The following LUZP1 variants were observed in gnomAD, a reference collection of about 807,000 sequenced individuals.
The protein encoded by LUZP1 is leucine zipper protein 1.
In LUZP1, 25 loss-of-function variants were observed where a neutral mutation model predicts 71.3. The ratio of observed to expected loss-of-function variants is 0.35; its 90% confidence interval spans 0.26 to 0.49. The LOEUF is 0.49. Ranked by LOEUF, LUZP1 falls within the 20% of genes least tolerant of loss-of-function variation. The pLI is 0.99. For synonymous variants in LUZP1, 481 were observed against 506.4 expected, an observed-to-expected ratio of 0.95 and a Z score of 0.67; for missense variants, 1,142 against 1,300.8, an observed-to-expected ratio of 0.88 and a Z score of 1.88.
chr1:23,143,873 G>T (rs1406247595), intron 2 of LUZP1, among the ~76,000 whole-genome samples: 4 of 152,088 alleles, frequency 2.6e-5, no homozygotes. Context: ...ATTTGCTCAG[G>T]GTCACAGTGG....
At chr1:23,170,801 C>T (rs1644547800) in intron 1 of LUZP1, among the ~76,000 whole-genome samples, 2 of 152,108 alleles carry the variant, frequency 1.3e-5, no homozygotes, top group Admixed American at 1.3e-4. Context: ...ATTATATTGA[C>T]CAGGCGCGGT....
At chr1:23,114,649 T>C (rs947283420) in intron 2 of LUZP1, among the ~76,000 whole-genome samples, 6 of 152,218 alleles carry the variant, frequency 3.9e-5, no homozygotes, top group Non-Finnish European at 8.8e-5. Context: ...TTTTGCTCAC[T>C]TCCCTCCTCC....
intron 2 of LUZP1, chr1:23,141,236 G>A (rs1313606284): frequency 6.6e-6 from 1 of 152,350 alleles, no homozygotes; most frequent in Non-Finnish European, 1.5e-5. Context: ...CTAGATTTCA[G>A]GAAACCTGCT....
At chr1:23,087,628 A>G (rs1643786539) in exon 5 of LUZP1, 2 of 152,750 alleles carry the variant, frequency 1.3e-5, no homozygotes, top group South Asian at 2.1e-4. Flanking sequence ...CCTTCTTTGA[A>G]TTGACAGAAT....
At chr1:23,108,840 T>C (rs901624025) in intron 3 of LUZP1, among the ~76,000 whole-genome samples, 182 bp downstream of exon 2, 2 of 152,186 alleles carry the variant, frequency 1.3e-5, no homozygotes, top group Admixed American at 6.5e-5. Flanking sequence ...GCTAACTTCA[T>C]GCAAGGATTT....
intron 3 of LUZP1, among the ~76,000 whole-genome samples, chr1:23,106,455 T>C (rs1319873250): frequency 6.6e-6 from 1 of 151,744 alleles, no homozygotes; most frequent in Non-Finnish European, 1.5e-5. Flanking sequence ...AAATACAAAA[T>C]TTAGCTGGGA....
intron 2 of LUZP1, among the ~76,000 whole-genome samples, chr1:23,153,955 A>T (rs556640876): frequency 2.0e-5 from 3 of 152,270 alleles, no homozygotes; most frequent in Non-Finnish European, 2.9e-5. Context: ...GTCAATAAAC[A>T]AACTATAATA....
intron 2 of LUZP1, among the ~76,000 whole-genome samples, chr1:23,145,039 G>T (rs750790204): frequency 9.2e-5 from 14 of 152,094 alleles, no homozygotes; most frequent in African/African-American, 3.1e-4. Context: ...GCGACCACAG[G>T]CACATGTCAC....
chr1:23,095,022 C>A (rs1369354658), intron 3 of LUZP1, among the ~76,000 whole-genome samples: 1 of 152,120 alleles, frequency 6.6e-6, no homozygotes, highest in Non-Finnish European at 1.5e-5. Context: ...TTGGCCCGAC[C>A]CAGCCAACAG....
At chr1:23,143,407 T>C (rs916272934) in intron 2 of LUZP1, among the ~76,000 whole-genome samples, 6 of 152,194 alleles carry the variant, frequency 3.9e-5, no homozygotes, top group African/African-American at 1.4e-4. Flanking sequence ...TAATAAATAG[T>C]GGGCAAAATA....
chr1:23,164,424 G>A (rs932470794), intron 2 of LUZP1, among the ~76,000 whole-genome samples: 7 of 151,516 alleles, frequency 4.6e-5, no homozygotes, highest in South Asian at 2.1e-4. Context: ...CCCGGGAGGC[G>A]GAGCTTGCAG....
At chr1:23,122,876 G>A (rs1416532741) in intron 2 of LUZP1, among the ~76,000 whole-genome samples, 1 of 152,096 alleles carries the variant, frequency 6.6e-6, no homozygotes, top group Non-Finnish European at 1.5e-5. Flanking sequence ...TGCTTTTAAC[G>A]TTTCTTTTCT....
chr1:23,143,992 C>T (rs964924587), intron 2 of LUZP1, among the ~76,000 whole-genome samples: 1 of 152,150 alleles, frequency 6.6e-6, no homozygotes, highest in African/African-American at 2.4e-5. Flanking sequence ...CAGTCTAATC[C>T]AATATGCTTT....
intron 2 of LUZP1, among the ~76,000 whole-genome samples, chr1:23,120,183 T>A (rs1644119166): frequency 6.6e-6 from 1 of 151,940 alleles, no homozygotes; most frequent in Non-Finnish European, 1.5e-5. Flanking sequence ...GCTCGAGCAA[T>A]TCACCCACCT....
intron 1 of LUZP1, among the ~76,000 whole-genome samples, chr1:23,172,538 G>A (rs1410946804): frequency 1.3e-5 from 2 of 150,102 alleles, no homozygotes; most frequent in African/African-American, 4.9e-5. Context: ...TTTTTAGACA[G>A]AGGTCACCCT....
At chr1:23,136,065 C>CTTTT (rs1008237758) in intron 2 of LUZP1, among the ~76,000 whole-genome samples, 1 of 152,028 alleles carries the variant, frequency 6.6e-6, no homozygotes, top group Non-Finnish European at 1.5e-5. Flanking sequence ...AATCAATGAG[C>CTTTT]TTTTTTGTGC....
At chr1:23,146,452 C>T (rs771698088) in intron 2 of LUZP1, among the ~76,000 whole-genome samples, 41 of 152,364 alleles carry the variant, frequency 2.7e-4, no homozygotes, top group Non-Finnish European at 5.4e-4. Context: ...TTAACTGCGT[C>T]TCAGTGTCCT....
chr1:23,092,517 T>C lies in LUZP1; in HGVS notation c.1745A>G (p.Lys582Arg), dbSNP rs747043265. ...AGCCTCAAGGCCATTGGCAGCCTTT[T>C]TGCCTTTAGAGAGCCCTTCTGAGGA... The change falls in exon 4 of 5, where the codon AAA becomes AGA. Residue 582 changes from lysine to arginine, a missense_variant. Coordinates refer to ENST00000302291, the Ensembl canonical transcript of LUZP1. 41 of 1,614,116 alleles carry C rather than the reference T, an allele frequency of 2.5e-5. 1 individual carries two copies. The Middle Eastern group carries it at 2.3e-3, about 91-fold the overall frequency.
chr1:23,144,488 A>G (rs1557678284), intron 2 of LUZP1, among the ~76,000 whole-genome samples: 1 of 152,242 alleles, frequency 6.6e-6, no homozygotes, highest in African/African-American at 2.4e-5. Flanking sequence ...GAAACAACTC[A>G]CATAACACCA....
Sources: allele counts gnomAD v4.1 joint callset (sites outside exome capture counted in the v4.1 genomes callset), GRCh38; gene constraint gnomAD v4.1.1; transcripts MANE v1.5; gene names NCBI Gene and HGNC (gene_info 2026-07-23, HGNC 2026-07-21).